ADARB2: variants seen among roughly 807,000 people sequenced by gnomAD.
The protein encoded by ADARB2 is inactive double-stranded RNA-specific editase B2.
In ADARB2, 25 loss-of-function variants were observed where a neutral mutation model predicts 62.2. That is an observed-to-expected ratio of 0.40 (90% confidence interval 0.29 to 0.56). ADARB2 has a LOEUF of 0.56. Ranked by LOEUF, ADARB2 falls within the 20% of genes least tolerant of loss-of-function variation. The probability of loss-of-function intolerance (pLI) is 0.43; values close to 1 mark genes in which losing one functional copy is unlikely to be tolerated. For missense variants in ADARB2, 1,071 were observed against 1,077.4 expected (o/e 0.99, Z 0.08); for synonymous variants, 572 against 500.8 (o/e 1.14, Z -1.90).
intron 3 of ADARB2, among the ~76,000 whole-genome samples, chr10:1,362,677 C>A (rs1206091167): frequency 3.9e-5 from 6 of 152,152 alleles, no homozygotes; most frequent in Non-Finnish European, 8.8e-5. Flanking sequence ...GAAAACTTGA[C>A]CCCAATTTTA....
chr10:1,631,579 C>T (rs984731973), intron 1 of ADARB2, among the ~76,000 whole-genome samples: 1 of 152,222 alleles, frequency 6.6e-6, no homozygotes, highest in Non-Finnish European at 1.5e-5. Context: ...AGTGCTAGGT[C>T]ACCCTTTGAA....
At chr10:1,279,640 A>C (rs911549662) in intron 3 of ADARB2, among the ~76,000 whole-genome samples, 1 of 152,190 alleles carries the variant, frequency 6.6e-6, no homozygotes, top group East Asian at 1.9e-4. Context: ...TAATAAGGAC[A>C]CTAATCCACT....
At chr10:1,396,536 G>A (rs538934670) in intron 1 of ADARB2, among the ~76,000 whole-genome samples, 83 of 151,830 alleles carry the variant, frequency 5.5e-4, no homozygotes, top group Non-Finnish European at 1.0e-3. Flanking sequence ...TGCCATCCCC[G>A]CCTGCAGTGT....
At chr10:1,199,732 C>T in intron 8 of ADARB2, 1 of 466,526 alleles carries the variant, frequency 2.1e-6, no homozygotes. Context: ...GCTGTGAAAA[C>T]AGCACCATCA....
intron 1 of ADARB2, among the ~76,000 whole-genome samples, chr10:1,510,514 C>CT (rs1013171132): frequency 2.6e-5 from 4 of 152,110 alleles, no homozygotes; most frequent in African/African-American, 9.7e-5. Context: ...TTTTCAACCA[C>CT]TGAGGACACC....
chr10:1,269,426 T>C (rs969510758), intron 4 of ADARB2, among the ~76,000 whole-genome samples: 2 of 152,264 alleles, frequency 1.3e-5, no homozygotes, highest in Non-Finnish European at 2.9e-5. Flanking sequence ...TTGTAAATAG[T>C]GCCATTACCA....
intron 3 of ADARB2, among the ~76,000 whole-genome samples, chr10:1,347,990 TGA>T (rs372823995): frequency 4.0e-5 from 6 of 149,808 alleles, no homozygotes; most frequent in African/African-American, 1.5e-4. Flanking sequence ...AGAGAGATAC[TGA>T]GAGAGAGAGA....
intron 1 of ADARB2, among the ~76,000 whole-genome samples, chr10:1,553,974 T>C (rs538721263): frequency 9.2e-5 from 14 of 152,262 alleles, no homozygotes; most frequent in African/African-American, 3.1e-4. Flanking sequence ...GTCCAGAAAG[T>C]CGGCTGGTGG....
rs564141865 is a variant in ADARB2 at position 1,441,185 on chromosome 10, T to C, written c.101-62025A>G. 3.3e-5 allele frequency among the ~76,000 whole-genome samples: 5 copies of C among 152,350 alleles called. No homozygotes were observed. In the East Asian group the frequency reaches 9.6e-4, roughly 29 times the overall value. ...CTGCCTCCTGAATTGCCTTTCATTA[T>C]GCATTTAGAGAAGAATATCCTAGAT... On this transcript the variant is annotated intron_variant, in intron 1 of 9. Coordinates refer to ENST00000381312, the MANE Select transcript of ADARB2 (RefSeq NM_018702.4).
intron 6 of ADARB2, among the ~76,000 whole-genome samples, chr10:1,227,394 G>A (rs1490582521): frequency 6.6e-6 from 1 of 152,180 alleles, no homozygotes; most frequent in Non-Finnish European, 1.5e-5. Flanking sequence ...GCTCAAGCAC[G>A]GTGCACTGCA....
At chr10:1,668,998 C>T (rs532818804) in intron 1 of ADARB2, among the ~76,000 whole-genome samples, 23 of 152,306 alleles carry the variant, frequency 1.5e-4, no homozygotes, top group African/African-American at 5.3e-4. Context: ...GCTGGTTGGC[C>T]GTGACCGTCT....
chr10:1,211,281 C>G (rs1267042734), intron 7 of ADARB2, among the ~76,000 whole-genome samples: 1 of 152,026 alleles, frequency 6.6e-6, no homozygotes, highest in Non-Finnish European at 1.5e-5. Flanking sequence ...TAACTATCAT[C>G]TGATCTATAA....
At position 1,217,018 on chromosome 10, in the gene ADARB2, G is replaced by T; in HGVS notation, c.1615C>A (p.Gln539Lys). 1 of 1,611,648 alleles carries T rather than the reference G, an allele frequency of 6.2e-7. No individual in the cohort carries two copies. The highest frequency in any genetic ancestry group is 8.5e-7 in the Non-Finnish European group (1 of 1,179,676). The change falls in exon 7 of 10, where the codon CAG becomes AAG. Residue 539 changes from glutamine to lysine, a missense_variant. Coordinates refer to ENST00000381312, the MANE Select transcript of ADARB2 (RefSeq NM_018702.4). ...TVPVRGPSAV[Q>K]TWDGVLLGEQ... ...CCCAGCAGGACGCCGTCCCAGGTCT[G>T]CACTGCGCTGGGGCCACGCACGGGG...
In ADARB2 at chr10:1,177,820, G is replaced by A. The variant is rs1328976695; in HGVS notation, c.*5373C>T. 6.6e-6 allele frequency: 1 copy of A among 152,300 alleles called. No homozygotes were observed. The highest frequency in any genetic ancestry group is 1.5e-5 in the Non-Finnish European group (1 of 68,106). The allele number at this position is 152,300 out of a possible 1,614,324, so 9.4% of individuals were successfully genotyped here. ...TTGGTGTGAATCTCTAGAGGCCAGC[G>A]CGGTGGCTCATGCCTGTAATCCCAG... On this transcript the variant is annotated 3_prime_UTR_variant, in exon 10 of 10. Transcript: ENST00000381312.
Position 1,704,477 on chromosome 10 carries a change from A to C in ADARB2, c.100+32574T>G, listed in dbSNP as rs114457878. On this transcript the variant is annotated intron_variant, in intron 1 of 9. Coordinates refer to ENST00000381312, the MANE Select transcript of ADARB2 (RefSeq NM_018702.4). The surrounding 1 kb of genome is among the most constrained non-coding windows in gnomAD (Gnocchi z 5.6). ...AGGATCCCCACTCCTATAGGAATCT[A>C]ATGCCACTGTGACCTGACAGAAGGC... Among the ~76,000 whole-genome samples the C allele has an allele frequency of 8.6e-3, 1,311 of 152,286 alleles. 20 individuals are homozygous for C. The highest frequency in any genetic ancestry group is 0.054 in the Middle Eastern group (16 of 294).
chr10:1,736,108 A>C (rs753776825), intron 1 of ADARB2, among the ~76,000 whole-genome samples: 1 of 152,196 alleles, frequency 6.6e-6, no homozygotes. Flanking sequence ...CACATTTCAA[A>C]TCATGATTAG....
chr10:1,336,460 G>C (rs1347334547), intron 3 of ADARB2, among the ~76,000 whole-genome samples: 1 of 152,138 alleles, frequency 6.6e-6, no homozygotes, highest in African/African-American at 2.4e-5. Flanking sequence ...AGCATCATGG[G>C]AAACCCACCC....
intron 1 of ADARB2, chr10:1,395,038 T>A: frequency 2.2e-6 from 1 of 450,988 alleles, no homozygotes; most frequent in Non-Finnish European, 4.4e-6. Context: ...TGCCTCGGCC[T>A]CCCAAGTAGC....
At chr10:1,324,101 T>C (rs952744117) in intron 3 of ADARB2, among the ~76,000 whole-genome samples, 2 of 152,202 alleles carry the variant, frequency 1.3e-5, no homozygotes, top group African/African-American at 2.4e-5. Context: ...CACAAAGACT[T>C]TTCAGAGAAG....
Sources: gnomAD v4.1 joint callset for allele counts (sites outside exome capture counted in the v4.1 genomes callset) on GRCh38, gnomAD v4.1.1 for gene constraint, Gnocchi (gnomAD v3.1) non-coding constraint, MANE v1.5 for transcripts, NCBI Gene and HGNC (gene_info 2026-07-23, HGNC 2026-07-21) for gene names.